Variants in ADPRHL1 observed in about 807,000 individuals in gnomAD.
ADPRHL1 encodes the protein inactive ADP-ribosyltransferase ARH2.
Under a neutral mutation model 44.1 loss-of-function variants are expected in ADPRHL1, and 43 were observed. The ratio of observed to expected loss-of-function variants is 0.98; its 90% CI spans 0.76 to 1.26. The LOEUF is 1.26. ADPRHL1 is among the 50% of genes most tolerant of loss of function. ADPRHL1 has a pLI of 0.00. For synonymous variants in ADPRHL1, 878 were observed against 1,017.4 expected, an observed-to-expected ratio of 0.86 and a Z score of 2.61; for missense variants, 2,022 against 2,496.9, an observed-to-expected ratio of 0.81 and a Z score of 4.05.
intron 2 of ADPRHL1, 89 bp downstream of exon 2, chr13:113,444,336 G>A (rs781063926): frequency 1.0e-4 from 157 of 1,514,944 alleles, no homozygotes; most frequent in Non-Finnish European, 1.2e-4. Context: ...GCCACCTGGA[G>A]ATGCTGGGGG....
At chr13:113,414,072 T>G (rs2043874374) in intron 7 of ADPRHL1, among the ~76,000 whole-genome samples, 1 of 152,232 alleles carries the variant, frequency 6.6e-6, no homozygotes, top group Non-Finnish European at 1.5e-5. Flanking sequence ...GTGGCTGTGC[T>G]GGGCTCACCC....
intron 3 of ADPRHL1, among the ~76,000 whole-genome samples, chr13:113,429,616 T>C (rs1463429370): frequency 1.3e-5 from 2 of 152,278 alleles, no homozygotes; most frequent in African/African-American, 2.4e-5. Context: ...CCGCGTCACG[T>C]AGACCTTTAG....
rs1007176614 is a variant in ADPRHL1, at chr13:113,407,818, G to C, written c.1464C>G (p.Ser488Arg). The change falls in exon 8 of 8, where the codon AGC becomes AGG. Residue 488 changes from serine to arginine, a missense_variant. By Grantham distance (110) the Ser-to-Arg change is moderately radical. Coordinates refer to ENST00000612156, the MANE Select transcript of ADPRHL1 (RefSeq NM_001394807.1). Reference protein sequence around the residue: ...TKEPAPKPCLSEKPRWGHPAG... With the variant: ...TKEPAPKPCLREKPRWGHPAG... ...CCGGGTGGCCCCAGCGGGGCTTCTC[G>C]CTGAGGCAGGGCTTTGGGGCCGGCT... The C allele has an allele frequency of 2.4e-6, 3 of 1,231,840 alleles. No homozygotes were observed. The highest frequency in any genetic ancestry group is 4.2e-5 in the Admixed American group (1 of 23,706). 76.3% of individuals were successfully genotyped at this position (1,231,840 alleles called of 1,614,324 possible). A position where few individuals can be genotyped will look rare whatever the true frequency, so the allele number is the denominator to read the frequency against.
At chr13:113,438,833 A>G (rs2139642569) in intron 2 of ADPRHL1, among the ~76,000 whole-genome samples, 1 of 152,130 alleles carries the variant, frequency 6.6e-6, no homozygotes, top group Non-Finnish European at 1.5e-5. Flanking sequence ...CCTCTTGTCC[A>G]TTTTTGTATG....
At chr13:113,417,997 A>G (rs2043895292) in intron 7 of ADPRHL1, among the ~76,000 whole-genome samples, 1 of 152,202 alleles carries the variant, frequency 6.6e-6, no homozygotes, top group Non-Finnish European at 1.5e-5. Flanking sequence ...AACAGGTGGC[A>G]TTGGCTTCTG....
At chr13:113,418,362 G>A (rs1430627273) in intron 7 of ADPRHL1, among the ~76,000 whole-genome samples, 3 of 152,182 alleles carry the variant, frequency 2.0e-5, no homozygotes, top group South Asian at 2.1e-4. Context: ...CCACTTCCTC[G>A]GCTGGGTGCT....
intron 2 of ADPRHL1, among the ~76,000 whole-genome samples, chr13:113,439,810 C>T (rs990640429): frequency 3.9e-5 from 6 of 152,152 alleles, no homozygotes; most frequent in South Asian, 2.1e-4. Flanking sequence ...GAGTGACCTT[C>T]GGTAGTTTAT....
intron 2 of ADPRHL1, among the ~76,000 whole-genome samples, chr13:113,438,279 G>C (rs2044074945): frequency 6.6e-6 from 1 of 152,168 alleles, no homozygotes; most frequent in Non-Finnish European, 1.5e-5. Flanking sequence ...TTATGTAATG[G>C]TATCTCATTG....
rs1406853283 is a variant in ADPRHL1 at position 113,404,836 on chromosome 13, C to T, written c.4446G>A (p.Pro1482=). 16 of 1,248,226 alleles carry T rather than the reference C, an allele frequency of 1.3e-5. No individual in the cohort carries two copies. In the South Asian group the frequency reaches 2.2e-4, roughly 17 times the overall value. 77.3% of individuals were successfully genotyped at this position (1,248,226 alleles called of 1,614,324 possible). A position where few individuals can be genotyped will look rare whatever the true frequency, so the allele number is the denominator to read the frequency against. Residue 1482 remains proline (P), a synonymous_variant, in exon 8 of 8, where the codon CCG becomes CCA. Transcript: ENST00000612156. ...GTTTCTGGGCCTGTCCTTGGGCTGC[C>T]GGGCTTCCCGGCCCCTCGGGCTCCC... The part of the protein sequence containing the change: ...PPGEPEGPGS[P]AAQGQAQKQV...
At position 113,407,968 on chromosome 13, in the gene ADPRHL1, G is replaced by C. The variant is rs938455821; in HGVS notation, c.1314C>G (p.Gly438=). 1.3e-5 allele frequency: 16 copies of C among 1,231,986 alleles called. No homozygotes were observed. Among genetic ancestry groups the C allele is most frequent in the African/African-American group, 1.2e-4 (8 of 64,438 alleles). The allele number at this position is 1,231,986 out of a possible 1,614,324, so 76.3% of individuals were successfully genotyped here. ...TCTTGAGGTAGCGCTCCCGGCCAGT[G>C]CCCAGGAACTTGGCCTGCAGGAGCT... ...RFQLLQAKFL[G]TGRERYLKRT... The change falls in exon 8 of 8, where the codon GGC becomes GGG. Residue 438 remains glycine (G), a synonymous_variant. Coordinates refer to ENST00000612156, the MANE Select transcript of ADPRHL1 (RefSeq NM_001394807.1).
Position 113,405,246 on chromosome 13 carries a change from CAGTAGG to C in ADPRHL1, c.4030_4035del (p.Pro1344_Thr1345del). 1 of 1,231,920 alleles carries C rather than the reference CAGTAGG, an allele frequency of 8.1e-7. No homozygotes were observed. The highest frequency in any genetic ancestry group is 1.0e-6 in the Non-Finnish European group (1 of 988,094). 76.3% of individuals were successfully genotyped at this position (1,231,920 alleles called of 1,614,324 possible). The stretch of plus-strand genomic sequence containing the variant: ...CGGAGCTTTGCCTGTGTGTCACCAG[CAGTAGG>C]GGGCAGGTGTGCCTGTAGATGGGGA... On this transcript the variant is annotated inframe_deletion, in exon 8 of 8. Coordinates refer to ENST00000612156, the MANE Select transcript of ADPRHL1 (RefSeq NM_001394807.1).
chr13:113,422,761 G>C, intron 7 of ADPRHL1, 65 bp downstream of exon 7: 1 of 1,592,218 alleles, frequency 6.3e-7, no homozygotes, highest in Non-Finnish European at 8.5e-7. Flanking sequence ...GGGGCTGCGA[G>C]AGGGCCCTAC....
chr13:113,424,923 AATCCATCTATCC>A lies in ADPRHL1; in HGVS notation c.774+117_774+128del, dbSNP rs139207906. 3,230 of 1,126,044 alleles carry A rather than the reference AATCCATCTATCC, an allele frequency of 2.9e-3. 67 individuals carry two copies. In the African/African-American group the frequency reaches 0.045, roughly 16 times the overall value. The allele number at this position is 1,126,044 out of a possible 1,614,324, so 69.8% of individuals were successfully genotyped here. ...ACCCTTCCACCCACCCATCATCCAA[AATCCATCTATCC>A]ATCCATCTATCCATCCATCCATTCA... is the stretch of plus-strand genomic sequence containing the variant. On this transcript the variant is annotated intron_variant, in intron 5 of 7. Transcript: ENST00000612156.
At chr13:113,422,718 C>T (rs893396573) in intron 7 of ADPRHL1, 108 bp downstream of exon 7, 11 of 1,422,492 alleles carry the variant, frequency 7.7e-6, no homozygotes, top group African/African-American at 4.3e-5. Flanking sequence ...AGGCACAGAC[C>T]GCAGTGGAGC....
In ADPRHL1 at chr13:113,435,219, G is replaced by T. The variant is rs74341643; in HGVS notation, c.380-1352C>A. Among the ~76,000 whole-genome samples the T allele has an allele frequency of 2.1e-3, 30 of 14,042 alleles. 2 individuals are homozygous for T. The highest frequency in any genetic ancestry group is 2.5e-3 in the African/African-American group (17 of 6,698). The allele number at this position is 14,042 out of a possible 152,430, so 9.2% of individuals were successfully genotyped here. ...GTAGAGTGAACATAGGTGTACCCCG[G>T]GACCCAGCACCCAGGTGTAGAGTGA... On this transcript the variant is annotated intron_variant, in intron 2 of 7. Coordinates refer to ENST00000612156, the MANE Select transcript of ADPRHL1 (RefSeq NM_001394807.1).
intron 2 of ADPRHL1, among the ~76,000 whole-genome samples, chr13:113,435,251 G>C (rs36034669): frequency 1.1e-4 from 2 of 18,676 alleles, no homozygotes; most frequent in Non-Finnish European, 1.3e-4. Flanking sequence ...GTGAACACAG[G>C]TGTACCCCGG....
At chr13:113,410,026 T>A (rs1199615195) in intron 7 of ADPRHL1, 1 of 985,296 alleles carries the variant, frequency 1.0e-6, no homozygotes, top group Non-Finnish European at 1.2e-6. Flanking sequence ...CATGGATGGA[T>A]TTCCTTGTTA....
rs989851342 is a variant in ADPRHL1 at position 113,441,161 on chromosome 13, A to T, written c.379+3264T>A. ...GAGCAAGACTCCATCTCAAAATTAA[A>T]AAGTTGTTTCTTATAAGCAGCACAT... is the stretch of plus-strand genomic sequence containing the variant. On this transcript the variant is annotated intron_variant, in intron 2 of 7. Transcript: ENST00000612156. The surrounding 1 kb of genome is among the most constrained non-coding windows in gnomAD (Gnocchi z 6.0). 9.9e-5 allele frequency among the ~76,000 whole-genome samples: 15 copies of T among 152,156 alleles called. No individual in the cohort carries two copies. Among genetic ancestry groups the T allele is most frequent in the African/African-American group, 3.6e-4 (15 of 41,426 alleles).
rs569071401 is a variant in ADPRHL1, at chr13:113,446,354, G to A, written c.215-1765C>T. ...CCAGAGAGAGAGGGCTCCCGTGGCT[G>A]CAAACCCCCGGAGAAGTGCTCAGGA... On this transcript the variant is annotated intron_variant, in intron 1 of 7. Coordinates refer to ENST00000612156, the MANE Select transcript of ADPRHL1 (RefSeq NM_001394807.1). Among the ~76,000 whole-genome samples the A allele has an allele frequency of 7.4e-4, 112 of 152,264 alleles. 1 individual carries two copies. The East Asian group carries it at 0.018, about 25-fold the overall frequency.
Sources: allele counts gnomAD v4.1 joint callset (sites outside exome capture counted in the v4.1 genomes callset), GRCh38; gene constraint gnomAD v4.1.1; non-coding constraint Gnocchi (gnomAD v3.1); transcripts MANE v1.5; gene names NCBI Gene and HGNC (gene_info 2026-07-23, HGNC 2026-07-21).